Variants in PPRC1 observed in about 807,000 individuals in gnomAD.
PPRC1 encodes peroxisome proliferator-activated receptor gamma coactivator-related protein 1.
PPRC1 carries 23 observed loss-of-function variants against 132.5 expected under a neutral mutation model. The observed-to-expected ratio is 0.17, with a 90% CI of 0.12 to 0.25. PPRC1 has a LOEUF of 0.25. Ranked by LOEUF, PPRC1 falls within the 10% of genes least tolerant of loss-of-function variation. The probability of loss-of-function intolerance (pLI) is 1.00; values close to 1 mark genes in which losing one functional copy is unlikely to be tolerated. For synonymous variants in PPRC1, 872 were observed against 833.5 expected, an observed-to-expected ratio of 1.05 and a Z score of -0.80; for missense variants, 2,006 against 2,089.1, an observed-to-expected ratio of 0.96 and a Z score of 0.78.
At position 102,140,011 on chromosome 10, in the gene PPRC1, G is replaced by A; in HGVS notation, c.1503G>A (p.Gln501=). 6.2e-7 allele frequency: 1 copy of A among 1,614,244 alleles called. No homozygotes were observed. The highest frequency in any genetic ancestry group is 8.5e-7 in the Non-Finnish European group (1 of 1,180,050). The change falls in exon 5 of 14, where the codon CAG becomes CAA. Residue 501 remains glutamine (Q), a synonymous_variant. Coordinates refer to ENST00000278070, the MANE Select transcript of PPRC1 (RefSeq NM_015062.5). ...TGACCTCTCAGGTAGACAACTTGCA[G>A]AAACAGCCTCAGGAAGAACTTCAAA... ...TEVTSQVDNL[Q]KQPQEELQKE...
intron 5 of PPRC1, among the ~76,000 whole-genome samples, chr10:102,142,387 C>T (rs1187522091): frequency 2.4e-5 from 3 of 126,190 alleles, no homozygotes; most frequent in African/African-American, 6.3e-5. Context: ...AGGCGTGAGC[C>T]GCTGCACCAT....
At chr10:102,147,875 TGAA>T (rs1348485608) in intron 9 of PPRC1, among the ~76,000 whole-genome samples, 5 of 152,216 alleles carry the variant, frequency 3.3e-5, no homozygotes, top group African/African-American at 1.2e-4. Context: ...TCCCACTTAA[TGAA>T]GAATTCTTGG....
intron 7 of PPRC1, 185 bp downstream of exon 7, chr10:102,144,492 A>G: frequency 1.6e-6 from 1 of 619,648 alleles, no homozygotes; most frequent in Non-Finnish European, 2.8e-6. Flanking sequence ...GTGAGGTGAG[A>G]ACGGGGCATG....
chr10:102,142,590 A>G (rs1564948561), intron 5 of PPRC1, among the ~76,000 whole-genome samples: 1 of 141,026 alleles, frequency 7.1e-6, no homozygotes, highest in African/African-American at 2.6e-5. Flanking sequence ...GGCTTTTTGT[A>G]TTTTTAGCAG....
chr10:102,139,058 C>G, intron 4 of PPRC1, 42 bp from the exon 5 acceptor site: 1 of 1,606,080 alleles, frequency 6.2e-7, no homozygotes, highest in Non-Finnish European at 8.5e-7. Flanking sequence ...AAAATACTTT[C>G]CCAAAGAAAA....
chr10:102,121,082 GTTAA>G, the PPRC1 span, among the ~76,000 whole-genome samples: 1 of 152,164 alleles, frequency 6.6e-6, no homozygotes, highest in African/African-American at 2.4e-5. Context: ...AACTAAAAGG[GTTAA>G]TTAAGTGGGG....
the PPRC1 span, among the ~76,000 whole-genome samples, chr10:102,122,522 A>G: frequency 6.8e-6 from 1 of 147,160 alleles, no homozygotes; most frequent in Non-Finnish European, 1.5e-5. Context: ...CTGGATTGGC[A>G]GGACAATTTG....
chr10:102,132,958 C>G (rs142937498), upstream of PPRC1: 18 of 1,225,964 alleles, frequency 1.5e-5, no homozygotes, highest in African/African-American at 2.0e-4. Context: ...GCACGGCTCT[C>G]TGGGATTCGT....
chr10:102,145,567 T>TA (rs544168412), intron 8 of PPRC1, among the ~76,000 whole-genome samples: 486 of 117,292 alleles, frequency 4.1e-3, no homozygotes, highest in Middle Eastern at 0.015. Context: ...CAAGACTATC[T>TA]AAAAAAAAAA....
the PPRC1 span, among the ~76,000 whole-genome samples, chr10:102,126,344 G>A: frequency 3.8e-4 from 57 of 148,844 alleles, no homozygotes; most frequent in Non-Finnish European, 3.7e-4. Flanking sequence ...TGACTCAAAA[G>A]AAAAAAAAAA....
chr10:102,126,212 C>A, the PPRC1 span, among the ~76,000 whole-genome samples: 1 of 152,108 alleles, frequency 6.6e-6, no homozygotes, highest in East Asian at 1.9e-4. Flanking sequence ...TGCTATGGCT[C>A]ACACATGTAA....
At chr10:102,133,433 G>A (rs941875454) in intron 1 of PPRC1, among the ~76,000 whole-genome samples, 1 of 152,282 alleles carries the variant, frequency 6.6e-6, no homozygotes, top group Admixed American at 6.5e-5. Flanking sequence ...ACGCCGGAGG[G>A]GGAGAGCGGG....
Position 102,141,688 on chromosome 10 carries a change from G to A in PPRC1, c.3180G>A (p.Val1060=), listed in dbSNP as rs373100946. ...CTACCAAGGTGGAGGTCAAGCCAGT[G>A]CCTGCATCTCCCCATCCGAAACACA... ...TEPTKVEVKP[V]PASPHPKHKV... The change falls in exon 5 of 14, where the codon GTG becomes GTA. Residue 1060 remains valine (V), a synonymous_variant. Transcript: ENST00000278070. 1.9e-6 allele frequency: 3 copies of A among 1,614,054 alleles called. No homozygotes were observed. Among genetic ancestry groups the A allele is most frequent in the Non-Finnish European group, 2.5e-6 (3 of 1,179,966 alleles).
rs1463774470 is a variant in PPRC1 at position 102,141,700 on chromosome 10, C to G, written c.3192C>G (p.Pro1064=). ...AGGTCAAGCCAGTGCCTGCATCTCC[C>G]CATCCGAAACACAAGGTGTCTGCCC... ...KVEVKPVPAS[P]HPKHKVSALV... Residue 1064 remains proline (P), a synonymous_variant, in exon 5 of 14, where the codon CCC becomes CCG. Transcript: ENST00000278070. 6.2e-7 allele frequency: 1 copy of G among 1,613,988 alleles called. No individual in the cohort carries two copies. Among genetic ancestry groups the G allele is most frequent in the South Asian group, 1.1e-5 (1 of 91,058 alleles).
At chr10:102,143,695 CAGGT>C (rs955590277) in intron 6 of PPRC1, among the ~76,000 whole-genome samples, 6 of 150,672 alleles carry the variant, frequency 4.0e-5, no homozygotes, top group African/African-American at 1.2e-4. Flanking sequence ...CATTGAAAGA[CAGGT>C]AGGAATTCAC....
At position 102,140,560 on chromosome 10, in the gene PPRC1, G is replaced by A; in HGVS notation, c.2052G>A (p.Val684=). Residue 684 remains valine (V), a synonymous_variant, in exon 5 of 14, where the codon GTG becomes GTA. Transcript: ENST00000278070. ...VPNDLTPVDP[V]LVKSRPTDPR... is the part of the protein sequence containing the mutation. ...ATGACCTGACTCCAGTTGACCCAGT[G>A]CTAGTTAAGTCCAGACCAACTGATC... 1 of 1,614,102 alleles carries A rather than the reference G, an allele frequency of 6.2e-7. No individual in the cohort carries two copies. The highest frequency in any genetic ancestry group is 8.5e-7 in the Non-Finnish European group (1 of 1,180,024).
At chr10:102,149,386 T>C (rs751164250) in intron 13 of PPRC1, 57 bp downstream of exon 13, 100 of 1,493,238 alleles carry the variant, frequency 6.7e-5, no homozygotes, top group Non-Finnish European at 8.8e-5. Flanking sequence ...CCAGAAGGGT[T>C]CCTAACCCTT....
chr10:102,133,230 T>C lies in PPRC1; in HGVS notation c.153+9T>C. The C allele has an allele frequency of 7.8e-7, 1 of 1,278,830 alleles. No homozygotes were observed. The highest frequency in any genetic ancestry group is 9.9e-7 in the Non-Finnish European group (1 of 1,006,236). The allele number at this position is 1,278,830 out of a possible 1,614,324, so 79.2% of individuals were successfully genotyped here. The stretch of plus-strand genomic sequence containing the variant: ...TGAGCGGCGGCGAGCAGGTGAGAGG[T>C]TGGCTGGCGGCCCGCGACAGGCAGC... On this transcript the variant is annotated intron_variant, in intron 1 of 13. Transcript: ENST00000278070.
chr10:102,125,835 A>G, the PPRC1 span, among the ~76,000 whole-genome samples: 1 of 146,318 alleles, frequency 6.8e-6, no homozygotes, highest in Non-Finnish European at 1.5e-5. Flanking sequence ...TCAACTAGTT[A>G]TTGGCACCAC....
Sources: allele counts gnomAD v4.1 joint callset (sites outside exome capture counted in the v4.1 genomes callset), GRCh38; gene constraint gnomAD v4.1.1; transcripts MANE v1.5; gene names NCBI Gene and HGNC (gene_info 2026-07-23, HGNC 2026-07-21).